Variants in TSC22D1 observed in about 807,000 individuals in gnomAD.
TSC22D1 encodes the protein TSC22 domain family member 1.
A neutral mutation model predicts 74.2 loss-of-function variants in TSC22D1; 9 were observed. That is an observed-to-expected ratio of 0.12 (90% CI 0.07 to 0.21). The LOEUF (loss-of-function observed/expected upper bound fraction) is 0.21, where lower values mean the gene tolerates loss of function less well. TSC22D1 is among the 10% of genes least tolerant of loss of function. The pLI is 1.00. For missense variants in TSC22D1, 1,427 were observed against 1,304.7 expected (o/e 1.09, Z -1.44); for synonymous variants, 586 against 492.5 (o/e 1.19, Z -2.51).
intron 1 of TSC22D1, among the ~76,000 whole-genome samples, chr13:44,571,851 G>A (rs1883787318): frequency 6.6e-6 from 1 of 152,030 alleles, no homozygotes; most frequent in Admixed American, 6.6e-5. Flanking sequence ...AATCTTGAAA[G>A]ATAAGATTTT....
At chr13:44,492,444 G>A (rs1878770990) in intron 1 of TSC22D1, among the ~76,000 whole-genome samples, 1 of 152,130 alleles carries the variant, frequency 6.6e-6, no homozygotes, top group Non-Finnish European at 1.5e-5. Context: ...GTAAGTTAGA[G>A]ACCATCTGTA....
intron 1 of TSC22D1, among the ~76,000 whole-genome samples, chr13:44,558,341 T>C (rs1823427490): frequency 6.6e-6 from 1 of 152,238 alleles, no homozygotes; most frequent in African/African-American, 2.4e-5. Context: ...AAAAAATTTT[T>C]GAATCATTTC....
At chr13:44,436,374 C>T in intron 1 of TSC22D1, 2 of 1,273,960 alleles carry the variant, frequency 1.6e-6, no homozygotes, top group Non-Finnish European at 2.2e-6. Context: ...TTTAACATTT[C>T]GAAAAACAAC....
At chr13:44,456,170 G>A (rs368702883) in intron 1 of TSC22D1, among the ~76,000 whole-genome samples, 3 of 152,178 alleles carry the variant, frequency 2.0e-5, no homozygotes, top group South Asian at 2.1e-4. Context: ...TAAAGGTAGT[G>A]CAGACCCAAA....
chr13:44,493,371 C>T (rs1330517167), intron 1 of TSC22D1, among the ~76,000 whole-genome samples: 1 of 152,200 alleles, frequency 6.6e-6, no homozygotes, highest in African/African-American at 2.4e-5. Context: ...TGACAAAAGA[C>T]ACTTGCCTTA....
chr13:44,434,299 G>C lies in TSC22D1; in HGVS notation c.*327C>G. The C allele has an allele frequency of 7.3e-7, 1 of 1,374,660 alleles. No individual in the cohort carries two copies. Among genetic ancestry groups the C allele is most frequent in the Non-Finnish European group, 9.3e-7 (1 of 1,074,392 alleles). 85.2% of individuals were successfully genotyped at this position (1,374,660 alleles called of 1,614,324 possible). A position where few individuals can be genotyped will look rare whatever the true frequency, so the allele number is the denominator to read the frequency against. On this transcript the variant is annotated 3_prime_UTR_variant, in exon 3 of 3. Transcript: ENST00000458659. Reference sequence around the variant, plus strand: ...CAGGAGAGAGAACCCTTGGAAGTGAGGGGTAGGGAGCCGGAAGGGATGGAA... The same window carrying C: ...CAGGAGAGAGAACCCTTGGAAGTGACGGGTAGGGAGCCGGAAGGGATGGAA...
intron 1 of TSC22D1, among the ~76,000 whole-genome samples, chr13:44,449,013 T>TA (rs1236777157): frequency 1.3e-5 from 2 of 152,194 alleles, no homozygotes; most frequent in Non-Finnish European, 2.9e-5. Flanking sequence ...CCACCCATTT[T>TA]ACAGATTAAG....
At chr13:44,459,522 G>A (rs897518476) in intron 1 of TSC22D1, among the ~76,000 whole-genome samples, 1 of 152,168 alleles carries the variant, frequency 6.6e-6, no homozygotes, top group African/African-American at 2.4e-5. Context: ...TCCTGGACAC[G>A]AGACAAGAAC....
intron 1 of TSC22D1, among the ~76,000 whole-genome samples, chr13:44,572,852 T>G (rs1213778141): frequency 6.6e-6 from 1 of 152,210 alleles, no homozygotes; most frequent in Non-Finnish European, 1.5e-5. Context: ...TAGCAAAAAT[T>G]AAGCTTTCCA....
In TSC22D1 at chr13:44,496,919, G is replaced by T. The variant is rs550084387; in HGVS notation, c.2913-60824C>A. Reference sequence around the variant, plus strand: ...CAATCAAAAATATGGAAAATAACAAGTGTTGGTGAGGATGAGAAGAAACTG... The same window carrying T: ...CAATCAAAAATATGGAAAATAACAATTGTTGGTGAGGATGAGAAGAAACTG... On this transcript the variant is annotated intron_variant, in intron 1 of 2. Coordinates refer to ENST00000458659, the MANE Select transcript of TSC22D1 (RefSeq NM_183422.4). Among the ~76,000 whole-genome samples the T allele has an allele frequency of 3.2e-4, 48 of 152,198 alleles. 2 individuals are homozygous for T. In the South Asian group the frequency reaches 1.0e-2, roughly 32 times the overall value.
Position 44,573,915 on chromosome 13 carries a change from C to T in TSC22D1, c.2160G>A (p.Val720=), listed in dbSNP as rs1883977169. ...VQPVGQAPAA[V]SAVPTGSQIA... is the part of the protein sequence containing the mutation. ...TCTGACTGCCAGTAGGTACAGCAGA[C>T]ACTGCTGCCGGAGCCTGGCCAACAG... Residue 720 remains valine, a synonymous_variant, in exon 1 of 3, where the codon GTG becomes GTA. Coordinates refer to ENST00000458659, the MANE Select transcript of TSC22D1 (RefSeq NM_183422.4). 1 of 1,614,090 alleles carries T rather than the reference C, an allele frequency of 6.2e-7. No homozygotes were observed. The highest frequency in any genetic ancestry group is 1.3e-5 in the African/African-American group (1 of 74,952).
intron 1 of TSC22D1, among the ~76,000 whole-genome samples, chr13:44,532,645 T>G (rs1053086833): frequency 6.6e-6 from 1 of 152,000 alleles, no homozygotes; most frequent in Non-Finnish European, 1.5e-5. Flanking sequence ...GGCTATTTTT[T>G]TAATATTTTT....
At chr13:44,474,901 TA>T (rs1877813405) in intron 1 of TSC22D1, among the ~76,000 whole-genome samples, 1 of 152,108 alleles carries the variant, frequency 6.6e-6, no homozygotes, top group Non-Finnish European at 1.5e-5. Context: ...CCCAGTACAA[TA>T]AGGCCTCATT....
At chr13:44,444,654 CATG>C (rs1875493398) in intron 1 of TSC22D1, among the ~76,000 whole-genome samples, 1 of 152,036 alleles carries the variant, frequency 6.6e-6, no homozygotes, top group African/African-American at 2.4e-5. Flanking sequence ...AAATCAATAA[CATG>C]AGATTATCTG....
chr13:44,473,505 A>T (rs1877723010), intron 1 of TSC22D1, among the ~76,000 whole-genome samples: 1 of 152,126 alleles, frequency 6.6e-6, no homozygotes, highest in Non-Finnish European at 1.5e-5. Context: ...CTAAAAATAA[A>T]AAATAAATAA....
intron 1 of TSC22D1, among the ~76,000 whole-genome samples, chr13:44,559,316 AC>A (rs1450440641): frequency 2.6e-5 from 4 of 152,186 alleles, no homozygotes; most frequent in Admixed American, 6.5e-5. Context: ...CAAAGGAACA[AC>A]CTTAACCAAA....
At chr13:44,555,523 T>C (rs377067558) in intron 1 of TSC22D1, among the ~76,000 whole-genome samples, 2 of 152,158 alleles carry the variant, frequency 1.3e-5, no homozygotes, top group East Asian at 1.9e-4. Flanking sequence ...GGAGAACCAC[T>C]TGAACCCACG....
At chr13:44,524,144 C>A (rs1409013171) in intron 1 of TSC22D1, among the ~76,000 whole-genome samples, 2 of 152,082 alleles carry the variant, frequency 1.3e-5, no homozygotes, top group Non-Finnish European at 2.9e-5. Flanking sequence ...TTAAAAAGCT[C>A]CTAGTAGAAC....
At chr13:44,540,484 T>A (rs952551104) in intron 1 of TSC22D1, among the ~76,000 whole-genome samples, 1 of 152,222 alleles carries the variant, frequency 6.6e-6, no homozygotes, top group Non-Finnish European at 1.5e-5. Context: ...GCTAAGCCTA[T>A]ATTTTATGAA....
Sources: allele counts gnomAD v4.1 joint callset (sites outside exome capture counted in the v4.1 genomes callset), GRCh38; gene constraint gnomAD v4.1.1; transcripts MANE v1.5; gene names NCBI Gene and HGNC (gene_info 2026-07-23, HGNC 2026-07-21).